FOXP2: variants seen among roughly 807,000 people sequenced by gnomAD.
The protein encoded by FOXP2 is forkhead box protein P2.
FOXP2 carries 12 observed loss-of-function variants against 115.8 expected under a neutral mutation model. The ratio of observed to expected loss-of-function variants is 0.10; its 90% confidence interval spans 0.07 to 0.17. The LOEUF is 0.17. Among genes scored for constraint, FOXP2 ranks in the 10% least tolerant of loss-of-function variants. The pLI, the probability that FOXP2 is intolerant of heterozygous loss-of-function variation, is 1.00. For synonymous variants in FOXP2, 328 were observed against 297.7 expected (o/e 1.10, Z -1.05); for missense variants, 629 against 843.5 (o/e 0.75, Z 3.15).
At chr7:114,636,144 A>G (rs912867542) in intron 6 of FOXP2, among the ~76,000 whole-genome samples, 1 of 152,188 alleles carries the variant, frequency 6.6e-6, no homozygotes, top group African/African-American at 2.4e-5. Flanking sequence ...GAGTTAGTCA[A>G]ATTATAAATG....
intron 3 of FOXP2, among the ~76,000 whole-genome samples, chr7:114,592,179 A>G (rs891586343): frequency 2.0e-5 from 3 of 152,100 alleles, no homozygotes; most frequent in African/African-American, 7.2e-5. Context: ...CATTACATGA[A>G]ATAGCACTTC....
chr7:114,583,337 C>T (rs1014779112), intron 3 of FOXP2, among the ~76,000 whole-genome samples: 1 of 151,974 alleles, frequency 6.6e-6, no homozygotes, highest in Non-Finnish European at 1.5e-5. Context: ...GAGATCACTC[C>T]ACTGCACTCC....
At chr7:114,306,700 T>C (rs1797021684) in intron 2 of FOXP2, among the ~76,000 whole-genome samples, 1 of 152,282 alleles carries the variant, frequency 6.6e-6, no homozygotes, top group Admixed American at 6.5e-5. Context: ...GTCAGAAGTA[T>C]GACATAGATT....
chr7:114,260,794 G>A (rs1795729056), intron 1 of FOXP2, among the ~76,000 whole-genome samples: 1 of 151,924 alleles, frequency 6.6e-6, no homozygotes, highest in Admixed American at 6.6e-5. Flanking sequence ...ATCCAAGCTA[G>A]TGAATATCTT....
chr7:114,395,504 T>C (rs2129195291), intron 2 of FOXP2, among the ~76,000 whole-genome samples: 1 of 152,232 alleles, frequency 6.6e-6, no homozygotes, highest in East Asian at 1.9e-4. Flanking sequence ...GAGCCTAGAA[T>C]GCCAGATTCT....
At chr7:114,233,893 A>G (rs959500498) in intron 1 of FOXP2, among the ~76,000 whole-genome samples, 1 of 152,126 alleles carries the variant, frequency 6.6e-6, no homozygotes, top group Non-Finnish European at 1.5e-5. Flanking sequence ...CACACCTGTA[A>G]TCCTAGCTAC....
At chr7:114,314,398 G>A (rs922618525) in intron 2 of FOXP2, among the ~76,000 whole-genome samples, 2 of 152,020 alleles carry the variant, frequency 1.3e-5, no homozygotes, top group African/African-American at 4.8e-5. Context: ...TGTCATAGAT[G>A]CACCCTTGCT....
intron 1 of FOXP2, among the ~76,000 whole-genome samples, chr7:114,189,642 A>G (rs891086599): frequency 2.4e-4 from 36 of 152,176 alleles, no homozygotes; most frequent in African/African-American, 8.7e-4. Flanking sequence ...TAAAAATGAG[A>G]AACAGTAATA....
At chr7:114,214,508 A>G (rs1272773916) in intron 1 of FOXP2, among the ~76,000 whole-genome samples, 1 of 152,220 alleles carries the variant, frequency 6.6e-6, no homozygotes, top group Non-Finnish European at 1.5e-5. Flanking sequence ...TAAGAAAATC[A>G]TCTTATATCC....
chr7:114,689,633 C>A, intron 16 of FOXP2, 149 bp from the exon 17 acceptor site: 1 of 748,444 alleles, frequency 1.3e-6, no homozygotes, highest in Non-Finnish European at 2.3e-6. Context: ...ATGTCTCTAA[C>A]CAGCTCACGC....
chr7:114,488,571 C>T (rs1289664856), intron 2 of FOXP2, among the ~76,000 whole-genome samples: 3 of 152,080 alleles, frequency 2.0e-5, no homozygotes, highest in Admixed American at 1.3e-4. Context: ...TAACTTTCAT[C>T]TTCAGATTCA....
At chr7:114,145,497 T>G (rs1205578332) in intron 1 of FOXP2, among the ~76,000 whole-genome samples, 2 of 149,164 alleles carry the variant, frequency 1.3e-5, no homozygotes, top group African/African-American at 5.0e-5. Context: ...TTTTCTTTTC[T>G]TTCCTTTTGA....
At chr7:114,452,614 G>C (rs1443037450) in intron 2 of FOXP2, among the ~76,000 whole-genome samples, 1 of 152,044 alleles carries the variant, frequency 6.6e-6, no homozygotes, top group Non-Finnish European at 1.5e-5. Flanking sequence ...TTAAATCTTA[G>C]ATAAAGTCTG....
intron 2 of FOXP2, among the ~76,000 whole-genome samples, chr7:114,331,578 T>G (rs1584642620): frequency 6.6e-6 from 1 of 152,088 alleles, no homozygotes; most frequent in Admixed American, 6.6e-5. Context: ...GGCTAGGAAG[T>G]CTTTGTTAAT....
intron 2 of FOXP2, among the ~76,000 whole-genome samples, chr7:114,340,764 T>C (rs1320016164): frequency 6.6e-6 from 1 of 151,180 alleles, no homozygotes; most frequent in East Asian, 1.9e-4. Flanking sequence ...GCACCCCCAC[T>C]GTGTTGCAAC....
intron 2 of FOXP2, among the ~76,000 whole-genome samples, chr7:114,507,918 A>T (rs554372816): frequency 5.3e-5 from 8 of 151,920 alleles, no homozygotes; most frequent in Non-Finnish European, 1.0e-4. Context: ...CCCCTGGAAG[A>T]CTCTGCCACA....
In FOXP2 at chr7:114,670,416, A is replaced by G. The variant is rs1324279181; in HGVS notation, c.2003+5980A>G. On this transcript the variant is annotated intron_variant, in intron 16 of 16. Coordinates refer to ENST00000350908, the MANE Select transcript of FOXP2 (RefSeq NM_014491.4). ...AAATTTGCATGTCAAATACCTATTC[A>G]ACATGCTCCAGAACTTTGTATACAT... 3.3e-5 allele frequency among the ~76,000 whole-genome samples: 5 copies of G among 152,180 alleles called. No individual in the cohort carries two copies. In the South Asian group the frequency reaches 8.3e-4, roughly 25 times the overall value.
At position 114,658,025 on chromosome 7, in the gene FOXP2, TG is replaced by T. The variant is rs760258070; in HGVS notation, c.1267-40del. The T allele has an allele frequency of 1.9e-6, 3 of 1,609,560 alleles. No homozygotes were observed. The South Asian group carries it at 3.3e-5, about 18-fold the overall frequency. On this transcript the variant is annotated intron_variant, in intron 10 of 16. Transcript: ENST00000350908. ...CAAACCTTTTTAAGTCTTTTTCTCT[TG>T]TCTCTACCTTTTTCCTGCCCTTCTC...
intron 2 of FOXP2, among the ~76,000 whole-genome samples, chr7:114,473,299 A>G (rs896965818): frequency 6.6e-6 from 1 of 152,174 alleles, no homozygotes; most frequent in African/African-American, 2.4e-5. Flanking sequence ...ACAAGATACA[A>G]GCACAGAGGA....
Sources: allele counts gnomAD v4.1 joint callset (sites outside exome capture counted in the v4.1 genomes callset), GRCh38; gene constraint gnomAD v4.1.1; transcripts MANE v1.5; gene names NCBI Gene and HGNC (gene_info 2026-07-23, HGNC 2026-07-21).